ERCC6L2: variants seen among roughly 807,000 people sequenced by gnomAD.
The protein encoded by ERCC6L2 is ERCC excision repair 6 like 2, also known as DNA excision repair protein ERCC-6-like 2.
ERCC6L2 carries 77 observed loss-of-function variants against 132.0 expected under a neutral mutation model. The observed-to-expected ratio is 0.58, with a 90% CI of 0.49 to 0.71. The LOEUF is 0.71. Among genes scored for constraint, ERCC6L2 ranks in the 30% least tolerant of loss-of-function variants. The pLI, the probability that ERCC6L2 is intolerant of heterozygous loss-of-function variation, is 0.00. For synonymous variants in ERCC6L2, 583 were observed against 632.4 expected (o/e 0.92, Z 1.17); for missense variants, 1,542 against 1,837.6 (o/e 0.84, Z 2.94).
At chr9:95,984,639 A>T (rs1304419443) in intron 17 of ERCC6L2, among the ~76,000 whole-genome samples, 1 of 152,146 alleles carries the variant, frequency 6.6e-6, no homozygotes, top group Admixed American at 6.5e-5. Context: ...GATTATATAC[A>T]TATCTCTCTT....
At chr9:95,920,993 T>G (rs532479344) in intron 6 of ERCC6L2, among the ~76,000 whole-genome samples, 182 bp from the exon 7 acceptor site, 4 of 152,178 alleles carry the variant, frequency 2.6e-5, no homozygotes, top group Admixed American at 2.0e-4. Context: ...GCCAGGATGG[T>G]CTTTATCTCT....
At chr9:96,000,877 T>C (rs915314058) in intron 17 of ERCC6L2, among the ~76,000 whole-genome samples, 1 of 152,232 alleles carries the variant, frequency 6.6e-6, no homozygotes, top group African/African-American at 2.4e-5. Context: ...GGTGGGTTCT[T>C]GGTCTCACTG....
At chr9:96,022,432 T>C (rs1317642839), downstream of ERCC6L2, among the ~76,000 whole-genome samples, 1 of 152,234 alleles carries the variant, frequency 6.6e-6, no homozygotes, top group Admixed American at 6.5e-5. Flanking sequence ...TCTCGTTTAA[T>C]CTGCCCAACA....
chr9:95,923,369 G>A lies in ERCC6L2; in HGVS notation c.1523G>A (p.Gly508Glu), dbSNP rs1829961246. 6.2e-7 allele frequency: 1 copy of A among 1,612,776 alleles called. No individual in the cohort carries two copies. The highest frequency in any genetic ancestry group is 2.2e-5 in the East Asian group (1 of 44,814). Residue 508 changes from glycine (G) to glutamate (E), a missense_variant, in exon 9 of 19, where the codon GGA becomes GAA. Physicochemically the swap from Gly to Glu is moderately conservative, Grantham distance 98. This residue lies in a region of ERCC6L2 where 945 missense variants were observed against 1,105.2 expected (regional missense o/e 0.86). Transcript: ENST00000653738. Reference sequence around the variant, plus strand: ...ACACTTTCTGACCCTAAATACAGTGGAAAAATGAAGGTAAGTGCTCCTCTT... The same window carrying A: ...ACACTTTCTGACCCTAAATACAGTGAAAAAATGAAGGTAAGTGCTCCTCTT... ...FETLSDPKYS[G>E]KMKVLQQLLN...
chr9:96,002,098 C>G (rs1269074366), intron 17 of ERCC6L2, among the ~76,000 whole-genome samples: 1 of 152,250 alleles, frequency 6.6e-6, no homozygotes, highest in Non-Finnish European at 1.5e-5. Flanking sequence ...GCGCGTGCCT[C>G]TCCCTCCACA....
intron 17 of ERCC6L2, among the ~76,000 whole-genome samples, chr9:95,989,254 CCT>C (rs1160473084): frequency 1.3e-5 from 2 of 152,158 alleles, no homozygotes; most frequent in African/African-American, 4.8e-5. Context: ...ACCATCAGCC[CCT>C]GTTCCCTCCC....
At chr9:95,967,321 A>G (rs563446766) in intron 14 of ERCC6L2, 1 of 152,346 alleles carries the variant, frequency 6.6e-6, no homozygotes, top group East Asian at 1.9e-4. Context: ...TCATATAGGT[A>G]TCATAAAATC....
intron 12 of ERCC6L2, among the ~76,000 whole-genome samples, chr9:95,943,534 G>A (rs755860752): frequency 7.2e-5 from 11 of 152,034 alleles, no homozygotes; most frequent in Non-Finnish European, 1.2e-4. Flanking sequence ...CCCAGGTTGT[G>A]GATCAAAGGA....
At chr9:95,937,982 A>G (rs191457222) in intron 11 of ERCC6L2, among the ~76,000 whole-genome samples, 61 of 151,338 alleles carry the variant, frequency 4.0e-4, no homozygotes, top group Middle Eastern at 3.4e-3. Flanking sequence ...TGCATCCTAC[A>G]TATTTTGATA....
intron 19 of ERCC6L2, among the ~76,000 whole-genome samples, chr9:96,033,648 T>C (rs1294567178): frequency 6.6e-6 from 1 of 152,214 alleles, no homozygotes; most frequent in East Asian, 1.9e-4. Flanking sequence ...CCCAGGAGGC[T>C]GGGATCTGGG....
chr9:95,966,497 C>T, intron 13 of ERCC6L2, 65 bp from the exon 14 acceptor site: 1 of 1,357,302 alleles, frequency 7.4e-7, no homozygotes, highest in Non-Finnish European at 9.7e-7. Context: ...CAGGGAATGC[C>T]AGGAAATTCT....
chr9:95,990,277 A>G (rs1412815968), intron 17 of ERCC6L2, among the ~76,000 whole-genome samples: 1 of 152,216 alleles, frequency 6.6e-6, no homozygotes, highest in Non-Finnish European at 1.5e-5. Context: ...GTGGACATAA[A>G]TCTGGGTGAA....
chr9:96,040,906 T>A (rs1834570333), intron 20 of ERCC6L2, among the ~76,000 whole-genome samples: 1 of 152,244 alleles, frequency 6.6e-6, no homozygotes, highest in Non-Finnish European at 1.5e-5. Flanking sequence ...GCTTGAGCCT[T>A]GGCAGGGTTT....
intron 3 of ERCC6L2, among the ~76,000 whole-genome samples, chr9:95,899,262 CA>C (rs1828630460): frequency 6.6e-6 from 1 of 152,044 alleles, no homozygotes; most frequent in Non-Finnish European, 1.5e-5. Flanking sequence ...CCAGCTTGGG[CA>C]ACATGTCAAA....
chr9:96,031,696 A>G (rs1834462261), intron 19 of ERCC6L2, among the ~76,000 whole-genome samples: 2 of 152,218 alleles, frequency 1.3e-5, no homozygotes, highest in South Asian at 4.1e-4. Context: ...ACTGTTTGCA[A>G]ATAAAGAGTA....
intron 12 of ERCC6L2, 81 bp downstream of exon 12, chr9:95,941,630 C>G: frequency 1.0e-6 from 1 of 987,766 alleles, no homozygotes; most frequent in Non-Finnish European, 1.6e-6. Context: ...GTTGCTTATA[C>G]TATGACTATG....
chr9:95,884,478 C>T (rs2132530846), intron 2 of ERCC6L2, among the ~76,000 whole-genome samples: 1 of 130,162 alleles, frequency 7.7e-6, no homozygotes, highest in Admixed American at 8.3e-5. Context: ...ATAGTTTTAT[C>T]TTCTTTTCTT....
At chr9:95,909,773 G>A (rs977470822) in intron 4 of ERCC6L2, among the ~76,000 whole-genome samples, 1 of 152,246 alleles carries the variant, frequency 6.6e-6, no homozygotes, top group African/African-American at 2.4e-5. Context: ...TTGTATGTAA[G>A]CCTTTTTTGG....
chr9:95,963,365 A>G (rs1300761208), intron 13 of ERCC6L2, among the ~76,000 whole-genome samples: 1 of 151,954 alleles, frequency 6.6e-6, no homozygotes, highest in Non-Finnish European at 1.5e-5. Flanking sequence ...TCTCATCAGT[A>G]TGTATTTCCC....
Sources: gnomAD v4.1 joint callset for allele counts (sites outside exome capture counted in the v4.1 genomes callset) on GRCh38, gnomAD v4.1.1 for gene constraint, gnomAD v4.1.1 regional missense constraint, MANE v1.5 for transcripts, NCBI Gene and HGNC (gene_info 2026-07-23, HGNC 2026-07-21) for gene names.